Variants in PACRG observed in about 807,000 individuals in gnomAD.
PACRG encodes the protein parkin coregulated gene protein.
Under a neutral mutation model 29.7 loss-of-function variants are expected in PACRG, and 29 were observed. The ratio of observed to expected loss-of-function variants is 0.98; its 90% CI spans 0.73 to 1.33. The LOEUF is 1.33. PACRG is among the 40% of genes most tolerant of loss of function. PACRG has a pLI of 0.00. For missense variants in PACRG, 279 were observed against 316.2 expected, an observed-to-expected ratio of 0.88 and a Z score of 0.89; for synonymous variants, 116 against 118.7, an observed-to-expected ratio of 0.98 and a Z score of 0.15.
Position 163,179,725 on chromosome 6 carries a change from A to T in PACRG, c.613+90317A>T, listed in dbSNP as rs1198623939. Among the ~76,000 whole-genome samples the T allele has an allele frequency of 4.3e-3, 289 of 67,438 alleles. 3 individuals are homozygous for T. The highest frequency in any genetic ancestry group is 0.011 in the South Asian group (26 of 2,410). 44.2% of individuals were successfully genotyped at this position (67,438 alleles called of 152,430 possible). On this transcript the variant is annotated intron_variant, in intron 4 of 4. Transcript: ENST00000366888. ...TCTGTCTCAAAAAAAAAAAAAAAAAATTTTCTTACATCACTAGTTTTCTTG... is the reference window on the plus strand; with the variant it reads ...TCTGTCTCAAAAAAAAAAAAAAAAATTTTTCTTACATCACTAGTTTTCTTG...
intron 4 of PACRG, among the ~76,000 whole-genome samples, chr6:163,130,416 C>T (rs942829827): frequency 3.3e-5 from 5 of 152,114 alleles, no homozygotes; most frequent in African/African-American, 1.2e-4. Flanking sequence ...CCACTTTGCC[C>T]TTCCTATGTC....
Position 163,089,303 on chromosome 6 carries a change from A to C in PACRG, c.508A>C (p.Lys170Gln), listed in dbSNP as rs770463159. ...CCGACAGGTCATCTGTGTCACTCTC[A>C]AGGTCCTCCAGCATCTGGTTGTGTC... is the stretch of plus-strand genomic sequence containing the variant. ...RNRQVICVTL[K>Q]VLQHLVVSAE... The change falls in exon 4 of 5, where the codon AAG (lysine) becomes CAG (glutamine). Residue 170 changes from lysine (K) to glutamine (Q), a missense_variant. Coordinates refer to ENST00000366888, the MANE Select transcript of PACRG (RefSeq NM_001080379.2). 1.9e-6 allele frequency: 3 copies of C among 1,614,036 alleles called. No homozygotes were observed. The highest frequency in any genetic ancestry group is 1.7e-6 in the Non-Finnish European group (2 of 1,180,006).
intron 4 of PACRG, among the ~76,000 whole-genome samples, chr6:163,234,915 T>C (rs1222210865): frequency 1.3e-5 from 2 of 152,120 alleles, no homozygotes; most frequent in Non-Finnish European, 2.9e-5. Flanking sequence ...TTTTAAAAAG[T>C]TGATTTTGAC....
intron 1 of PACRG, among the ~76,000 whole-genome samples, chr6:162,771,078 C>G (rs1783180782): frequency 6.6e-6 from 1 of 151,980 alleles, no homozygotes; most frequent in East Asian, 1.9e-4. Context: ...TCTTAATATT[C>G]ATAGAATACA....
At chr6:163,087,974 G>A (rs1392804159) in intron 3 of PACRG, among the ~76,000 whole-genome samples, 1 of 152,152 alleles carries the variant, frequency 6.6e-6, no homozygotes, top group African/African-American at 2.4e-5. Context: ...TGAGGAATGC[G>A]AAGGAGGAGA....
At chr6:162,782,484 A>T (rs1382030999) in intron 1 of PACRG, among the ~76,000 whole-genome samples, 1 of 151,938 alleles carries the variant, frequency 6.6e-6, no homozygotes, top group African/African-American at 2.4e-5. Context: ...AAGAGTGTGA[A>T]TTAGTCAGCT....
At chr6:163,091,978 T>C (rs549498650) in intron 4 of PACRG, among the ~76,000 whole-genome samples, 27 of 152,350 alleles carry the variant, frequency 1.8e-4, no homozygotes, top group Admixed American at 1.6e-3. Flanking sequence ...TTGAGAACAA[T>C]TGCACATTTC....
intron 3 of PACRG, among the ~76,000 whole-genome samples, chr6:163,083,535 G>A (rs184621989): frequency 2.2e-4 from 34 of 152,248 alleles, no homozygotes; most frequent in African/African-American, 7.0e-4. Flanking sequence ...TGTCAGGGGC[G>A]TGTCCTCAAC....
At position 163,168,046 on chromosome 6, in the gene PACRG, G is replaced by A. The variant is rs74299408; in HGVS notation, c.613+78638G>A. Among the ~76,000 whole-genome samples, 125 of 152,190 alleles carry A rather than the reference G, an allele frequency of 8.2e-4. No homozygotes were observed. In the East Asian group the frequency reaches 0.017, roughly 20 times the overall value. ...ATTGTATGTATTTTCATATTATTTTGTACACTGTCTTTGAACTTGACCTTA... is the reference window on the plus strand; with the variant it reads ...ATTGTATGTATTTTCATATTATTTTATACACTGTCTTTGAACTTGACCTTA... On this transcript the variant is annotated intron_variant, in intron 4 of 4. Transcript: ENST00000366888.
intron 2 of PACRG, among the ~76,000 whole-genome samples, chr6:162,901,287 T>C (rs1795543447): frequency 6.6e-6 from 1 of 152,146 alleles, no homozygotes; most frequent in African/African-American, 2.4e-5. Flanking sequence ...AAAGATGTAA[T>C]AGCCTTTTTG....
At chr6:162,980,250 C>T (rs1214768240) in intron 2 of PACRG, among the ~76,000 whole-genome samples, 1 of 151,992 alleles carries the variant, frequency 6.6e-6, no homozygotes, top group Admixed American at 6.6e-5. Context: ...ACACTGCATA[C>T]AGATCTCATG....
intron 4 of PACRG, chr6:163,182,603 A>G (rs1779725007): frequency 6.6e-6 from 1 of 152,240 alleles, no homozygotes; most frequent in Non-Finnish European, 1.5e-5. Context: ...AAGAATTTCA[A>G]AGTATTTCAT....
intron 2 of PACRG, among the ~76,000 whole-genome samples, chr6:162,927,675 C>T (rs1797545957): frequency 6.6e-6 from 1 of 151,964 alleles, no homozygotes; most frequent in East Asian, 1.9e-4. Flanking sequence ...GGGTAAATAG[C>T]TAATGCATGT....
intron 4 of PACRG, among the ~76,000 whole-genome samples, chr6:163,298,470 A>G (rs1352666649): frequency 6.6e-6 from 1 of 152,238 alleles, no homozygotes; most frequent in African/African-American, 2.4e-5. Context: ...TTTCTGAACA[A>G]TCAATGTGGC....
Position 163,252,693 on chromosome 6 carries a change from T to C in PACRG, c.614-62134T>C, listed in dbSNP as rs199655526. Among the ~76,000 whole-genome samples the C allele has an allele frequency of 6.5e-3, 988 of 152,342 alleles. 10 individuals carry two copies. Among genetic ancestry groups the C allele is most frequent in the African/African-American group, 0.023 (937 of 41,578 alleles). ...CCTAACGGACACCTCACCAGTGTTT[T>C]CCTCACACATTCACAAAGACGCTTT... On this transcript the variant is annotated intron_variant, in intron 4 of 4. Transcript: ENST00000366888.
At chr6:163,011,877 G>T (rs1805652554) in intron 2 of PACRG, among the ~76,000 whole-genome samples, 1 of 152,244 alleles carries the variant, frequency 6.6e-6, no homozygotes, top group African/African-American at 2.4e-5. Flanking sequence ...CCCACACAGG[G>T]TCAGGAGCAT....
At chr6:162,915,920 A>G (rs1017925491) in intron 2 of PACRG, among the ~76,000 whole-genome samples, 2 of 152,124 alleles carry the variant, frequency 1.3e-5, no homozygotes, top group African/African-American at 4.8e-5. Flanking sequence ...AATGAGCTAT[A>G]CATATTTAAA....
chr6:162,840,184 C>T (rs1478886303), intron 2 of PACRG, among the ~76,000 whole-genome samples: 1 of 110,386 alleles, frequency 9.1e-6, no homozygotes, highest in Non-Finnish European at 1.8e-5. Flanking sequence ...TTACCTTGGG[C>T]AGTATGGCCA....
At chr6:163,054,558 T>A (rs2128251778) in intron 2 of PACRG, among the ~76,000 whole-genome samples, 1 of 152,338 alleles carries the variant, frequency 6.6e-6, no homozygotes, top group Admixed American at 6.5e-5. Context: ...TTTTCCTTAG[T>A]TCGGCTGAAG....
Sources: allele counts gnomAD v4.1 joint callset (sites outside exome capture counted in the v4.1 genomes callset), GRCh38; gene constraint gnomAD v4.1.1; transcripts MANE v1.5; gene names NCBI Gene and HGNC (gene_info 2026-07-23, HGNC 2026-07-21).